The following GRM5 variants were observed in gnomAD, a reference collection of about 807,000 sequenced individuals.
GRM5 encodes metabotropic glutamate receptor 5.
In GRM5, 19 loss-of-function variants were observed where a neutral mutation model predicts 83.1. The ratio of observed to expected loss-of-function variants is 0.23; its 90% confidence interval spans 0.16 to 0.34. The LOEUF (loss-of-function observed/expected upper bound fraction) is 0.34, where lower values mean the gene tolerates loss of function less well. Among genes scored for constraint, GRM5 ranks in the 10% least tolerant of loss-of-function variants. The probability of loss-of-function intolerance (pLI) is 1.00; values close to 1 mark genes in which losing one functional copy is unlikely to be tolerated. For missense variants in GRM5, 1,160 were observed against 1,588.3 expected, an observed-to-expected ratio of 0.73 and a Z score of 4.58; for synonymous variants, 675 against 633.6, an observed-to-expected ratio of 1.07 and a Z score of -0.98.
intron 2 of GRM5, among the ~76,000 whole-genome samples, chr11:88,980,858 C>A (rs185440233): frequency 2.0e-5 from 3 of 152,000 alleles, no homozygotes; most frequent in East Asian, 3.9e-4. Context: ...AAGGATATAA[C>A]CTGACCTGTA....
intron 4 of GRM5, among the ~76,000 whole-genome samples, chr11:88,607,683 A>T (rs1389706462): frequency 6.6e-6 from 1 of 151,684 alleles, no homozygotes; most frequent in Non-Finnish European, 1.5e-5. Context: ...ATCTCTTAAT[A>T]CTCTTCTCGT....
chr11:88,938,377 T>C (rs1035770656), intron 2 of GRM5, among the ~76,000 whole-genome samples: 1 of 151,626 alleles, frequency 6.6e-6, no homozygotes, highest in African/African-American at 2.4e-5. Flanking sequence ...TTTATATTTT[T>C]CATACACGAA....
At chr11:88,616,028 T>C (rs1248045208) in intron 4 of GRM5, among the ~76,000 whole-genome samples, 1 of 152,170 alleles carries the variant, frequency 6.6e-6, no homozygotes, top group Non-Finnish European at 1.5e-5. Context: ...GCCATTTTCT[T>C]GCTGTTCATT....
intron 2 of GRM5, among the ~76,000 whole-genome samples, chr11:89,034,888 G>T: frequency 6.7e-6 from 1 of 148,592 alleles, no homozygotes. Flanking sequence ...GGTATAAGAG[G>T]CTTTGCTGTT....
intron 2 of GRM5, among the ~76,000 whole-genome samples, chr11:89,018,244 T>C (rs982426851): frequency 5.8e-4 from 89 of 152,216 alleles, no homozygotes; most frequent in African/African-American, 2.1e-3. Context: ...TAGTTGTGCT[T>C]AACACCAAGG....
Position 88,604,839 on chromosome 11 carries a change from G to A in GRM5, c.1273C>T (p.Leu425Phe). ...TCAATTGGCTTCATGGCATCACAGAGTCCTGCATAGCCTGGGCAGAGGGAC... is the reference window on the plus strand; with the variant it reads ...TCAATTGGCTTCATGGCATCACAGAATCCTGCATAGCCTGGGCAGAGGGAC... ...QMSLCPGYAG[L>F]CDAMKPIDGR... The change falls in exon 5 of 10, where the codon CTC becomes TTC. Residue 425 changes from leucine (L) to phenylalanine (F), a missense_variant. By Grantham distance (22) the Leu-to-Phe change is conservative. Transcript: ENST00000305447. The A allele has an allele frequency of 6.2e-7, 1 of 1,614,056 alleles. No individual in the cohort carries two copies. The highest frequency in any genetic ancestry group is 8.5e-7 in the Non-Finnish European group (1 of 1,179,938).
intron 2 of GRM5, among the ~76,000 whole-genome samples, chr11:88,949,305 A>G (rs974381704): frequency 3.9e-5 from 6 of 152,238 alleles, no homozygotes; most frequent in African/African-American, 1.4e-4. Context: ...AGCTCTGGAT[A>G]TCTTCCATCA....
chr11:88,605,937 T>C (rs1432927255), intron 4 of GRM5, among the ~76,000 whole-genome samples: 2 of 152,222 alleles, frequency 1.3e-5, no homozygotes, highest in South Asian at 2.1e-4. Flanking sequence ...TAAGGGCAGA[T>C]GAGCATCTAT....
At chr11:88,542,752 G>A (rs1277435058) in intron 8 of GRM5, among the ~76,000 whole-genome samples, 1 of 152,062 alleles carries the variant, frequency 6.6e-6, no homozygotes, top group Non-Finnish European at 1.5e-5. Context: ...CAAACAAATA[G>A]AGCACACTAA....
chr11:88,777,569 G>GT (rs1424664564), intron 3 of GRM5, among the ~76,000 whole-genome samples: 1 of 152,184 alleles, frequency 6.6e-6, no homozygotes, highest in African/African-American at 2.4e-5. Context: ...CATCTTTGTG[G>GT]TTTTATCTAC....
intron 3 of GRM5, among the ~76,000 whole-genome samples, chr11:88,745,055 A>G (rs1942104646): frequency 6.6e-6 from 1 of 152,166 alleles, no homozygotes; most frequent in Non-Finnish European, 1.5e-5. Context: ...AAATAAATAT[A>G]CCGTAGAATT....
chr11:88,999,481 G>A (rs1940299650), intron 2 of GRM5, among the ~76,000 whole-genome samples: 1 of 152,078 alleles, frequency 6.6e-6, no homozygotes. Context: ...AAAAACACAT[G>A]AAAAATTTCT....
chr11:89,053,662 T>G (rs766274926), intron 1 of GRM5, among the ~76,000 whole-genome samples: 5 of 126,040 alleles, frequency 4.0e-5, no homozygotes, highest in Admixed American at 3.6e-4. Flanking sequence ...GTGTGCTACA[T>G]GGTGCTGAGT....
intron 2 of GRM5, among the ~76,000 whole-genome samples, chr11:88,991,925 G>C (rs2135049383): frequency 6.6e-6 from 1 of 152,256 alleles, no homozygotes; most frequent in East Asian, 1.9e-4. Context: ...AGAAAACCCA[G>C]GCAGTACCAT....
chr11:88,660,118 C>T (rs182785389), intron 3 of GRM5, among the ~76,000 whole-genome samples: 1 of 152,308 alleles, frequency 6.6e-6, no homozygotes, highest in East Asian at 1.9e-4. Flanking sequence ...GCATGACCTG[C>T]CTGAATGGGC....
intron 3 of GRM5, among the ~76,000 whole-genome samples, chr11:88,722,987 C>A (rs1386518079): frequency 6.6e-6 from 1 of 151,982 alleles, no homozygotes; most frequent in African/African-American, 2.4e-5. Flanking sequence ...AAATTTCAGG[C>A]CCTAAAAATC....
intron 2 of GRM5, among the ~76,000 whole-genome samples, chr11:88,851,989 T>G (rs545617926): frequency 7.9e-4 from 121 of 152,350 alleles, no homozygotes; most frequent in Middle Eastern, 3.4e-3. Context: ...TTCTTTCATT[T>G]ATTTTTAGCT....
chr11:88,543,689 T>C (rs2135135704), intron 8 of GRM5, among the ~76,000 whole-genome samples: 1 of 151,520 alleles, frequency 6.6e-6, no homozygotes, highest in African/African-American at 2.4e-5. Context: ...TTTCCCTTTT[T>C]GTATACCCAC....
In GRM5 at chr11:88,885,450, G is replaced by GGTTTTTTTTTTTTTTTTTTTTTTTTT. The variant is rs1945027301; in HGVS notation, c.662-35296_662-35295insAAAAAAAAAAAAAAAAAAAAAAAAAC. Among the ~76,000 whole-genome samples the GGTTTTTTTTTTTTTTTTTTTTTTTTT allele has an allele frequency of 1.4e-4, 9 of 62,666 alleles. 4 individuals carry two copies. Among genetic ancestry groups the GGTTTTTTTTTTTTTTTTTTTTTTTTT allele is most frequent in the African/African-American group, 2.4e-4 (4 of 16,858 alleles). The allele number at this position is 62,666 out of a possible 152,430, so 41.1% of individuals were successfully genotyped here. A position where few individuals can be genotyped will look rare whatever the true frequency, so the allele number is the denominator to read the frequency against. ...TTCTGAATTCTATAGTAGGTACCAT[G>GGTTTTTTTTTTTTTTTTTTTTTTTTT]TTTTTTTTTTTTTTTTTTTTTTTTT... On this transcript the variant is annotated intron_variant, in intron 2 of 9. Coordinates refer to ENST00000305447, the MANE Select transcript of GRM5 (RefSeq NM_001143831.3).
Sources: gnomAD v4.1 joint callset for allele counts (sites outside exome capture counted in the v4.1 genomes callset) on GRCh38, gnomAD v4.1.1 for gene constraint, MANE v1.5 for transcripts, NCBI Gene and HGNC (gene_info 2026-07-23, HGNC 2026-07-21) for gene names.